The following CTNNA3 variants were observed in gnomAD, a reference collection of about 807,000 sequenced individuals.
The protein encoded by CTNNA3 is catenin alpha 3, also known as catenin alpha-3.
In CTNNA3, 76 loss-of-function variants were observed where a neutral mutation model predicts 95.7. That is an observed-to-expected ratio of 0.79 (90% CI 0.66 to 0.96). CTNNA3 has a LOEUF of 0.96. Among genes scored for constraint, CTNNA3 ranks in the 40% least tolerant of loss-of-function variants. CTNNA3 has a pLI of 0.00. For missense variants in CTNNA3, 1,191 were observed against 1,089.8 expected (o/e 1.09, Z -1.31); for synonymous variants, 431 against 374.4 (o/e 1.15, Z -1.74).
chr10:67,245,420 GTAAGCTCCATGAAGGTACATAA>G (rs1330441117), intron 5 of CTNNA3, among the ~76,000 whole-genome samples: 5 of 152,066 alleles, frequency 3.3e-5, no homozygotes, highest in Non-Finnish European at 7.3e-5. Flanking sequence ...CCAGTGGAAC[GTAAGCTCCATGAAGGTACATAA>G]GAGGTGATAA....
At chr10:66,764,739 C>T (rs1036048689) in intron 9 of CTNNA3, among the ~76,000 whole-genome samples, 3 of 152,102 alleles carry the variant, frequency 2.0e-5, no homozygotes, top group Non-Finnish European at 4.4e-5. Flanking sequence ...CATTTCTTCC[C>T]GCCTTACTTT....
At chr10:66,407,288 T>C (rs1000038869) in intron 11 of CTNNA3, among the ~76,000 whole-genome samples, 2 of 148,488 alleles carry the variant, frequency 1.3e-5, no homozygotes, top group African/African-American at 2.6e-5. Context: ...AAAACACATC[T>C]AAAAAAACCT....
intron 5 of CTNNA3, among the ~76,000 whole-genome samples, chr10:67,371,098 C>T (rs1843427470): frequency 6.6e-6 from 1 of 151,598 alleles, no homozygotes. Flanking sequence ...GATCTCCTGA[C>T]CTCTTGATCC....
chr10:67,414,222 T>C (rs10997634), intron 5 of CTNNA3, among the ~76,000 whole-genome samples: 10,251 of 151,896 alleles, frequency 0.067, 484 homozygotes, highest in African/African-American at 0.13. Flanking sequence ...ACTATCCAAA[T>C]AAGCAAAATC....
chr10:66,442,957 C>A (rs928123862), intron 11 of CTNNA3, among the ~76,000 whole-genome samples: 4 of 152,314 alleles, frequency 2.6e-5, no homozygotes, highest in African/African-American at 9.6e-5. Context: ...CACTCCCACC[C>A]TAATACTGCA....
intron 16 of CTNNA3, among the ~76,000 whole-genome samples, chr10:65,978,713 T>C (rs1470286927): frequency 6.6e-6 from 1 of 152,178 alleles, no homozygotes; most frequent in Admixed American, 6.6e-5. Flanking sequence ...CCTATTCAAC[T>C]ATTTTTTCTC....
At chr10:66,893,614 C>G (rs1845358485) in intron 7 of CTNNA3, among the ~76,000 whole-genome samples, 1 of 150,618 alleles carries the variant, frequency 6.6e-6, no homozygotes, top group African/African-American at 2.4e-5. Context: ...ATGACAAAGA[C>G]TAAGAAAAGT....
At chr10:67,076,733 G>A (rs950492708) in intron 7 of CTNNA3, among the ~76,000 whole-genome samples, 1 of 152,078 alleles carries the variant, frequency 6.6e-6, no homozygotes, top group Admixed American at 6.5e-5. Flanking sequence ...TTTAGGTAAC[G>A]GGGAAAATAA....
intron 15 of CTNNA3, among the ~76,000 whole-genome samples, chr10:66,046,770 A>G (rs1345344986): frequency 6.6e-6 from 1 of 152,124 alleles, no homozygotes; most frequent in Admixed American, 6.6e-5. Flanking sequence ...AAACACAACT[A>G]TAAGTGATAA....
At chr10:66,797,760 A>AT (rs1304013407) in intron 7 of CTNNA3, among the ~76,000 whole-genome samples, 1 of 151,816 alleles carries the variant, frequency 6.6e-6, no homozygotes, top group East Asian at 1.9e-4. Flanking sequence ...TTTCATCTCT[A>AT]TTTGAAGAGA....
At chr10:67,022,561 T>C (rs188694454) in intron 7 of CTNNA3, among the ~76,000 whole-genome samples, 191 of 152,266 alleles carry the variant, frequency 1.3e-3, no homozygotes, top group Middle Eastern at 0.01. Context: ...AAAAGTGAAT[T>C]TAGTAAGGTT....
At chr10:67,089,719 G>A (rs201895876) in intron 7 of CTNNA3, among the ~76,000 whole-genome samples, 1 of 129,344 alleles carries the variant, frequency 7.7e-6, no homozygotes, top group African/African-American at 3.4e-5. Flanking sequence ...ATATACATAT[G>A]TGTGTGTGTG....
intron 7 of CTNNA3, among the ~76,000 whole-genome samples, chr10:66,837,257 G>A (rs1303373609): frequency 1.3e-5 from 2 of 152,018 alleles, no homozygotes; most frequent in African/African-American, 4.8e-5. Flanking sequence ...AAGCCTTTTG[G>A]CAAAAGATAA....
chr10:67,084,790 A>C (rs1440074672), intron 7 of CTNNA3, among the ~76,000 whole-genome samples: 1 of 152,000 alleles, frequency 6.6e-6, no homozygotes, highest in South Asian at 2.1e-4. Flanking sequence ...AAATCTGCCT[A>C]GACTACGTTT....
chr10:66,594,532 A>G (rs2132237711), intron 10 of CTNNA3, among the ~76,000 whole-genome samples: 1 of 152,236 alleles, frequency 6.6e-6, no homozygotes, highest in African/African-American at 2.4e-5. Flanking sequence ...TCTTCATTCA[A>G]ACAGGTTGCA....
intron 3 of CTNNA3, among the ~76,000 whole-genome samples, chr10:67,588,330 A>G (rs1376321115): frequency 6.6e-6 from 1 of 150,426 alleles, no homozygotes; most frequent in Non-Finnish European, 1.5e-5. Context: ...CGTTGTTTCT[A>G]TTTTTGAATT....
chr10:66,956,387 C>G (rs988851932), intron 7 of CTNNA3, among the ~76,000 whole-genome samples: 1 of 151,952 alleles, frequency 6.6e-6, no homozygotes, highest in East Asian at 1.9e-4. Flanking sequence ...GCATTGCTTG[C>G]TATCTTGTTA....
chr10:67,257,708 G>T (rs984669600), intron 5 of CTNNA3, among the ~76,000 whole-genome samples: 4 of 151,576 alleles, frequency 2.6e-5, no homozygotes, highest in Non-Finnish European at 4.4e-5. Flanking sequence ...TTTTGTTTTG[G>T]TTTTTTTGAC....
chr10:67,750,048 C>T (rs58586198), intron 1 of CTNNA3, among the ~76,000 whole-genome samples: 19,671 of 152,060 alleles, frequency 0.13, 1,914 homozygotes, highest in African/African-American at 0.28. Context: ...TGAAGGTCCG[C>T]GGGCTCATTT....
Sources: allele counts gnomAD v4.1 joint callset (sites outside exome capture counted in the v4.1 genomes callset), GRCh38; gene constraint gnomAD v4.1.1; transcripts MANE v1.5; gene names NCBI Gene and HGNC (gene_info 2026-07-23, HGNC 2026-07-21).